Variants in RANBP17 observed in about 807,000 individuals in gnomAD.
RANBP17 encodes RAN binding protein 17, also known as ran-binding protein 17.
RANBP17 carries 158 observed loss-of-function variants against 141.2 expected under a neutral mutation model. The observed-to-expected ratio is 1.12, with a 90% CI of 0.98 to 1.28. RANBP17 has a LOEUF of 1.28. RANBP17 is among the 50% of genes most tolerant of loss of function. RANBP17 has a pLI of 0.00. For synonymous variants in RANBP17, 430 were observed against 450.0 expected (o/e 0.96, Z 0.56); for missense variants, 1,438 against 1,290.7 (o/e 1.11, Z -1.75).
chr5:171,122,100 C>T (rs1323569897), intron 14 of RANBP17, among the ~76,000 whole-genome samples: 2 of 152,178 alleles, frequency 1.3e-5, no homozygotes, highest in African/African-American at 4.8e-5. Flanking sequence ...TAGGACCTCC[C>T]TCATGGCTCT....
chr5:171,295,947 C>G lies in RANBP17; in HGVS notation c.3103C>G (p.Leu1035Val). The change falls in exon 27 of 28, where the codon CTT becomes GTT. Residue 1035 changes from leucine to valine, a missense_variant. Physicochemically the swap from Leu to Val is conservative, Grantham distance 32 (BLOSUM62 1). Transcript: ENST00000523189. Reference sequence around the variant, plus strand: ...CCAGCCCCTCCCCAAGCAGGAGGTCCTTGCCCAGTGCTTCAGAAACCTAAT... The same window carrying G: ...CCAGCCCCTCCCCAAGCAGGAGGTCGTTGCCCAGTGCTTCAGAAACCTAAT... ...NSQPLPKQEV[L>V]AQCFRNLMEG... 3 of 1,613,914 alleles carry G rather than the reference C, an allele frequency of 1.9e-6. No homozygotes were observed. Among genetic ancestry groups the G allele is most frequent in the Non-Finnish European group, 2.5e-6 (3 of 1,179,864 alleles).
At chr5:171,188,290 G>C (rs1424080341) in intron 18 of RANBP17, among the ~76,000 whole-genome samples, 1 of 152,236 alleles carries the variant, frequency 6.6e-6, no homozygotes, top group African/African-American at 2.4e-5. Flanking sequence ...GCAAGTCGGA[G>C]ATGTAACTGA....
At chr5:171,235,629 G>A (rs1764494673) in intron 22 of RANBP17, among the ~76,000 whole-genome samples, 2 of 151,802 alleles carry the variant, frequency 1.3e-5, no homozygotes, top group Non-Finnish European at 2.9e-5. Flanking sequence ...TTCAAGATGG[G>A]GTCTCACTCT....
At chr5:171,161,565 A>G (rs775725024) in intron 14 of RANBP17, 4 of 179,066 alleles carry the variant, frequency 2.2e-5, no homozygotes, top group Non-Finnish European at 4.8e-5. Context: ...TATGCATACA[A>G]TGATTAAGTG....
At chr5:171,098,724 C>G (rs1786896806) in intron 14 of RANBP17, among the ~76,000 whole-genome samples, 1 of 152,120 alleles carries the variant, frequency 6.6e-6, no homozygotes. Flanking sequence ...TGCCTGTGTC[C>G]TGAATGGTAT....
At chr5:171,285,298 T>C (rs1768103168) in intron 25 of RANBP17, among the ~76,000 whole-genome samples, 1 of 152,230 alleles carries the variant, frequency 6.6e-6, no homozygotes, top group Admixed American at 6.5e-5. Context: ...TGTTTGCTAG[T>C]TGGGGGACCC....
At chr5:171,013,642 C>G (rs1290779223) in intron 14 of RANBP17, among the ~76,000 whole-genome samples, 1 of 151,858 alleles carries the variant, frequency 6.6e-6, no homozygotes, top group African/African-American at 2.4e-5. Flanking sequence ...TATCCTATCC[C>G]AATATTTGGA....
intron 14 of RANBP17, among the ~76,000 whole-genome samples, chr5:171,027,591 A>C (rs1445276821): frequency 6.6e-6 from 1 of 151,932 alleles, no homozygotes; most frequent in East Asian, 1.9e-4. Flanking sequence ...GTAGGATCAT[A>C]TTATAATTAA....
chr5:171,089,565 C>T (rs1561642204), intron 14 of RANBP17, among the ~76,000 whole-genome samples: 1 of 151,996 alleles, frequency 6.6e-6, no homozygotes, highest in Non-Finnish European at 1.5e-5. Context: ...GGCCTCGCTG[C>T]TGCCTTGCAG....
chr5:171,295,929 C>T lies in RANBP17; in HGVS notation c.3085C>T (p.Leu1029Phe), dbSNP rs768993968. The change falls in exon 27 of 28, where the codon CTC (leucine) becomes TTC (phenylalanine). Residue 1029 changes from leucine to phenylalanine, a missense_variant. By Grantham distance (22) the Leu-to-Phe change is conservative. Coordinates refer to ENST00000523189, the MANE Select transcript of RANBP17 (RefSeq NM_022897.5). Reference protein sequence around the residue: ...LRASLINSQPLPKQEVLAQCF... With the variant: ...LRASLINSQPFPKQEVLAQCF... The stretch of plus-strand genomic sequence containing the variant: ...AGCAAGTTTGATAAACAGCCAGCCC[C>T]TCCCCAAGCAGGAGGTCCTTGCCCA... 6 of 1,613,868 alleles carry T rather than the reference C, an allele frequency of 3.7e-6. No homozygotes were observed. Among genetic ancestry groups the T allele is most frequent in the South Asian group, 1.1e-5 (1 of 91,070 alleles).
chr5:171,127,906 A>G (rs943420655), intron 14 of RANBP17, among the ~76,000 whole-genome samples: 1 of 152,216 alleles, frequency 6.6e-6, no homozygotes, highest in Non-Finnish European at 1.5e-5. Flanking sequence ...CACGCCTGTA[A>G]TCCCAGCACT....
At chr5:171,265,515 A>G (rs1386157795) in intron 24 of RANBP17, among the ~76,000 whole-genome samples, 166 bp from the exon 25 acceptor site, 2 of 152,186 alleles carry the variant, frequency 1.3e-5, no homozygotes, top group Admixed American at 6.5e-5. Flanking sequence ...GGGTGACAAT[A>G]ATGAAACTCT....
intron 18 of RANBP17, among the ~76,000 whole-genome samples, chr5:171,184,011 A>G (rs1761053057): frequency 6.6e-6 from 1 of 152,192 alleles, no homozygotes; most frequent in African/African-American, 2.4e-5. Context: ...ACTTCAGAAA[A>G]GGCTTAAGTG....
chr5:170,941,833 A>C (rs1424095065), intron 12 of RANBP17, among the ~76,000 whole-genome samples: 1 of 152,190 alleles, frequency 6.6e-6, no homozygotes, highest in Admixed American at 6.5e-5. Context: ...TCAGTTGGAA[A>C]TGGAATAGAA....
intron 1 of RANBP17, among the ~76,000 whole-genome samples, chr5:170,873,165 C>T (rs1406000861): frequency 6.6e-6 from 1 of 152,204 alleles, no homozygotes; most frequent in African/African-American, 2.4e-5. Context: ...CCCACCTTGG[C>T]CTCTCTAAGG....
chr5:170,995,639 A>G (rs953905650), intron 14 of RANBP17, among the ~76,000 whole-genome samples: 2 of 152,164 alleles, frequency 1.3e-5, no homozygotes, highest in African/African-American at 2.4e-5. Flanking sequence ...AATATGAGGC[A>G]GATAATGAAA....
intron 5 of RANBP17, among the ~76,000 whole-genome samples, chr5:170,898,638 T>A (rs1022603864): frequency 6.6e-6 from 1 of 152,100 alleles, no homozygotes; most frequent in Non-Finnish European, 1.5e-5. Context: ...TAGGTTAGGG[T>A]TTTTATGATG....
At chr5:171,054,862 C>A (rs76568790) in intron 14 of RANBP17, among the ~76,000 whole-genome samples, 135 of 152,218 alleles carry the variant, frequency 8.9e-4, no homozygotes, top group African/African-American at 3.1e-3. Context: ...CTTCTTCAGG[C>A]TGAAAACAGG....
At chr5:170,968,119 A>AT in intron 13 of RANBP17, 123 bp from the exon 14 acceptor site, 3 of 649,076 alleles carry the variant, frequency 4.6e-6, no homozygotes, top group South Asian at 3.0e-5. Flanking sequence ...TTTTCTTTAT[A>AT]TTTTTTTATT....
Sources: allele counts gnomAD v4.1 joint callset (sites outside exome capture counted in the v4.1 genomes callset), GRCh38; gene constraint gnomAD v4.1.1; transcripts MANE v1.5; gene names NCBI Gene and HGNC (gene_info 2026-07-23, HGNC 2026-07-21).